RCC1L: variants seen among roughly 807,000 people sequenced by gnomAD.
RCC1L encodes the protein RCC1-like G exchanging factor-like protein.
A neutral mutation model predicts 58.6 loss-of-function variants in RCC1L; 46 were observed. The ratio of observed to expected loss-of-function variants is 0.79; its 90% CI spans 0.62 to 1.00. RCC1L has a LOEUF of 1.00. RCC1L is among the 50% of genes least tolerant of loss of function. RCC1L has a pLI of 0.00. For missense variants in RCC1L, 636 were observed against 623.6 expected, an observed-to-expected ratio of 1.02 and a Z score of -0.21; for synonymous variants, 281 against 262.9, an observed-to-expected ratio of 1.07 and a Z score of -0.67.
At chr7:75,064,518 T>C (rs1806390963) in intron 4 of RCC1L, 64 bp downstream of exon 4, 6 of 1,591,272 alleles carry the variant, frequency 3.8e-6, no homozygotes, top group South Asian at 1.1e-5. Flanking sequence ...ACCACAGTCA[T>C]CTCCCTAGAA....
rs1356037510 is a variant in RCC1L at position 75,070,740 on chromosome 7, G to A, written c.354C>T (p.Phe118=). ...KISSAACGYG[F]TLLSSKTADV... The stretch of plus-strand genomic sequence containing the variant: ...CCGCAGTCTTAGAGGACAGCAGTGT[G>A]AATCCATAGCCGCAAGCAGCAGATG... Residue 118 remains phenylalanine, a synonymous_variant, in exon 2 of 11, where the codon TTC becomes TTT. Coordinates refer to ENST00000610322, the MANE Select transcript of RCC1L (RefSeq NM_030798.5). 1 of 1,613,984 alleles carries A rather than the reference G, an allele frequency of 6.2e-7. No individual in the cohort carries two copies. Among genetic ancestry groups the A allele is most frequent in the Non-Finnish European group, 8.5e-7 (1 of 1,180,012 alleles).
At chr7:75,056,794 A>G in intron 8 of RCC1L, 1 of 1,402,968 alleles carries the variant, frequency 7.1e-7, no homozygotes, top group East Asian at 2.5e-5. Flanking sequence ...GCCATCTTCT[A>G]ATCCAATGCC....
chr7:75,050,339 T>G (rs1429493992), intron 10 of RCC1L, among the ~76,000 whole-genome samples: 1 of 152,042 alleles, frequency 6.6e-6, no homozygotes, highest in Non-Finnish European at 1.5e-5. Context: ...GAAGGACACT[T>G]GGTGTGTGGC....
intron 10 of RCC1L, among the ~76,000 whole-genome samples, chr7:75,035,586 C>G (rs1337384645): frequency 6.6e-6 from 1 of 152,052 alleles, no homozygotes; most frequent in Admixed American, 6.6e-5. Context: ...AGAAACAAAA[C>G]GCTGGGCCAA....
downstream of RCC1L, among the ~76,000 whole-genome samples, chr7:75,039,001 C>T (rs951923469): frequency 6.2e-3 from 942 of 152,300 alleles, 5 homozygotes; most frequent in Admixed American, 0.014. Context: ...TCACCACGTC[C>T]GGCTAATTTT....
chr7:75,041,713 A>C (rs1205874308), downstream of RCC1L, among the ~76,000 whole-genome samples: 3 of 151,574 alleles, frequency 2.0e-5, no homozygotes, highest in African/African-American at 7.3e-5. Context: ...ACAGAAAACA[A>C]ATTAGCTGGG....
At chr7:75,070,865 C>G in intron 1 of RCC1L, 96 bp from the exon 2 acceptor site, 1 of 1,519,360 alleles carries the variant, frequency 6.6e-7, no homozygotes. Flanking sequence ...AGAACACATA[C>G]TATTTACGGG....
At chr7:75,037,821 CTT>C (rs1181236942), downstream of RCC1L, among the ~76,000 whole-genome samples, 8 of 152,172 alleles carry the variant, frequency 5.3e-5, no homozygotes, top group African/African-American at 1.9e-4. Context: ...GGTTTATCCT[CTT>C]AAACATGACC....
chr7:75,059,819 C>T (rs2131997864), intron 6 of RCC1L, among the ~76,000 whole-genome samples: 1 of 152,248 alleles, frequency 6.6e-6, no homozygotes, highest in Admixed American at 6.5e-5. Context: ...CTTAAAATGG[C>T]ATGGTTAACA....
chr7:75,058,823 T>C lies in RCC1L; in HGVS notation c.788-54A>G, dbSNP rs1014178658. The C allele has an allele frequency of 6.2e-6, 10 of 1,605,352 alleles. No individual in the cohort carries two copies. The African/African-American group carries it at 6.7e-5, about 11-fold the overall frequency. On this transcript the variant is annotated intron_variant, in intron 6 of 10. Transcript: ENST00000610322. ...ATTATTCGCTCTTTTAACAAACACA[T>C]AGGCAGACTTACTATATGCCAAGTG...
At chr7:75,028,230 C>T (rs943856642) in intron 10 of RCC1L, among the ~76,000 whole-genome samples, 6 of 151,634 alleles carry the variant, frequency 4.0e-5, no homozygotes, top group Non-Finnish European at 7.4e-5. Context: ...AAGCGAGTCT[C>T]CTACATTGGC....
In RCC1L at chr7:75,064,474, C is replaced by T. The variant is rs1281420344; in HGVS notation, c.650+108G>A. 3.2e-6 allele frequency: 4 copies of T among 1,236,604 alleles called. No homozygotes were observed. In the East Asian group the frequency reaches 7.0e-5, roughly 22 times the overall value. The allele number at this position is 1,236,604 out of a possible 1,614,324, so 76.6% of individuals were successfully genotyped here. A position where few individuals can be genotyped will look rare whatever the true frequency, so the allele number is the denominator to read the frequency against. ...CTTTCTGCTGAGTTCTCACGGCCCCCTCTCAGGCATGCCTCTGACCGCCCC... is the reference window on the plus strand; with the variant it reads ...CTTTCTGCTGAGTTCTCACGGCCCCTTCTCAGGCATGCCTCTGACCGCCCC... On this transcript the variant is annotated intron_variant, in intron 4 of 10. Transcript: ENST00000610322.
chr7:75,051,289 TATAA>T (rs1321286308), intron 10 of RCC1L, among the ~76,000 whole-genome samples: 5 of 148,430 alleles, frequency 3.4e-5, no homozygotes, highest in South Asian at 2.1e-4. Context: ...TACACACACA[TATAA>T]ATACATACAT....
At chr7:75,034,271 T>G (rs1377087579) in intron 10 of RCC1L, among the ~76,000 whole-genome samples, 1 of 152,124 alleles carries the variant, frequency 6.6e-6, no homozygotes, top group Non-Finnish European at 1.5e-5. Flanking sequence ...GTCCTAGCAC[T>G]TTAGGAGTCC....
intron 8 of RCC1L, 51 bp from the exon 9 acceptor site, chr7:75,056,125 C>G (rs1430422596): frequency 1.4e-5 from 23 of 1,605,740 alleles, no homozygotes; most frequent in Non-Finnish European, 1.9e-5. Flanking sequence ...GTAAGAACCT[C>G]CCTCACCAGA....
chr7:75,049,587 G>C (rs1453606742), intron 10 of RCC1L, among the ~76,000 whole-genome samples: 3 of 151,754 alleles, frequency 2.0e-5, no homozygotes, highest in African/African-American at 7.3e-5. Flanking sequence ...CAGGAGGATA[G>C]CTTGAGCCTG....
downstream of RCC1L, among the ~76,000 whole-genome samples, chr7:75,038,269 T>G (rs1222687522): frequency 1.3e-5 from 2 of 152,158 alleles, no homozygotes; most frequent in African/African-American, 4.8e-5. Context: ...TGTTTGTTTT[T>G]GAGACAGAGT....
intron 10 of RCC1L, chr7:75,028,192 A>C: frequency 1.0e-6 from 1 of 990,162 alleles, no homozygotes; most frequent in Non-Finnish European, 1.4e-6. Context: ...ATCTCAGCTC[A>C]CTGCAGCAAC....
downstream of RCC1L, chr7:75,042,126 T>C (rs1805584900): frequency 3.1e-6 from 3 of 966,032 alleles, no homozygotes; most frequent in Non-Finnish European, 3.7e-6. Flanking sequence ...AAAAGGCTTG[T>C]TTATAAAAGC....
Sources: allele counts gnomAD v4.1 joint callset (sites outside exome capture counted in the v4.1 genomes callset), GRCh38; gene constraint gnomAD v4.1.1; transcripts MANE v1.5; gene names NCBI Gene and HGNC (gene_info 2026-07-23, HGNC 2026-07-21).